Variants in MAML1 observed in about 807,000 individuals in gnomAD.
The protein encoded by MAML1 is mastermind like transcriptional coactivator 1.
Under a neutral mutation model 77.1 loss-of-function variants are expected in MAML1, and 14 were observed. The observed-to-expected ratio is 0.18, with a 90% CI of 0.12 to 0.28. MAML1 has a LOEUF of 0.28. Ranked by LOEUF, MAML1 falls within the 10% of genes least tolerant of loss-of-function variation. The pLI is 1.00. For missense variants in MAML1, 1,217 were observed against 1,327.8 expected, an observed-to-expected ratio of 0.92 and a Z score of 1.30; for synonymous variants, 516 against 551.9, an observed-to-expected ratio of 0.93 and a Z score of 0.91.
intron 1 of MAML1, among the ~76,000 whole-genome samples, chr5:179,744,215 TG>T (rs1482105346): frequency 1.3e-5 from 2 of 152,168 alleles, no homozygotes; most frequent in Non-Finnish European, 2.9e-5. Context: ...GATGGAGTCT[TG>T]CTCTGTTGCC....
rs1554150144 is a variant in MAML1, at chr5:179,752,350, A to AAAT, written c.316-12975_316-12974insATA. Among the ~76,000 whole-genome samples, 454 of 66,750 alleles carry AAAT rather than the reference A, an allele frequency of 6.8e-3. 48 individuals are homozygous for AAAT. Among genetic ancestry groups the AAAT allele is most frequent in the Non-Finnish European group, 9.3e-3 (357 of 38,462 alleles). 43.8% of individuals were successfully genotyped at this position (66,750 alleles called of 152,430 possible). A position where few individuals can be genotyped will look rare whatever the true frequency, so the allele number is the denominator to read the frequency against. On this transcript the variant is annotated intron_variant, in intron 1 of 4. Transcript: ENST00000292599. ...CAAAAAAAAAAAAAAAAAAAAAAAA[A>AAAT]ATATATATATATATATGGTTAAATA...
At chr5:179,752,962 A>G (rs976080086) in intron 1 of MAML1, among the ~76,000 whole-genome samples, 13 of 152,170 alleles carry the variant, frequency 8.5e-5, no homozygotes, top group South Asian at 2.1e-4. Context: ...TAGTAGAGAC[A>G]GGGTTTCACC....
chr5:179,736,351 C>T (rs1779171332), intron 1 of MAML1, among the ~76,000 whole-genome samples: 1 of 152,092 alleles, frequency 6.6e-6, no homozygotes, highest in South Asian at 2.1e-4. Context: ...CTCCCAGGTT[C>T]AAGCAATTCC....
chr5:179,759,926 CA>C lies in MAML1; in HGVS notation c.316-5399del, dbSNP rs1247217770. 6.6e-5 allele frequency among the ~76,000 whole-genome samples: 10 copies of C among 152,260 alleles called. No homozygotes were observed. The East Asian group carries it at 1.5e-3, about 23-fold the overall frequency. On this transcript the variant is annotated intron_variant, in intron 1 of 4. Coordinates refer to ENST00000292599, the MANE Select transcript of MAML1 (RefSeq NM_014757.5). Reference sequence around the variant, plus strand: ...AGAAATATTAAGGAGGTAGACTCTACAGGACTTGGGTACCAGTTGTATGTAG... The same window carrying C: ...AGAAATATTAAGGAGGTAGACTCTACGGACTTGGGTACCAGTTGTATGTAG...
At chr5:179,736,654 A>G (rs904301044) in intron 1 of MAML1, among the ~76,000 whole-genome samples, 11 of 152,030 alleles carry the variant, frequency 7.2e-5, no homozygotes, top group Admixed American at 5.9e-4. Context: ...GTTGCCTTGA[A>G]TCCTCCCTAG....
intron 1 of MAML1, among the ~76,000 whole-genome samples, chr5:179,740,009 A>G (rs1349125108): frequency 6.6e-6 from 1 of 152,220 alleles, no homozygotes; most frequent in Non-Finnish European, 1.5e-5. Flanking sequence ...AGTGCTAAGC[A>G]AAAATTAAAA....
intron 1 of MAML1, among the ~76,000 whole-genome samples, chr5:179,737,895 C>T (rs1242151561): frequency 2.1e-5 from 2 of 94,022 alleles, no homozygotes; most frequent in African/African-American, 2.9e-5. Flanking sequence ...CTGCTGGGCT[C>T]CAGGGGTCCT....
chr5:179,752,350 A>AAAAAAAAAAAAAAAAATAT (rs1554150144), intron 1 of MAML1, among the ~76,000 whole-genome samples: 1 of 66,722 alleles, frequency 1.5e-5, no homozygotes, highest in African/African-American at 6.8e-5. Flanking sequence ...AAAAAAAAAA[A>AAAAAAAAAAAAAAAAATAT]ATATATATAT....
intron 1 of MAML1, among the ~76,000 whole-genome samples, chr5:179,748,289 C>T (rs910019555): frequency 1.3e-5 from 2 of 152,162 alleles, no homozygotes; most frequent in Admixed American, 6.5e-5. Flanking sequence ...GCCATGTTGG[C>T]CAGGCTGGAC....
intron 1 of MAML1, among the ~76,000 whole-genome samples, chr5:179,757,239 G>A (rs552876130): frequency 4.6e-5 from 7 of 152,238 alleles, no homozygotes; most frequent in South Asian, 2.1e-4. Flanking sequence ...CCCTGAGAGC[G>A]TCTCCTTGTT....
At chr5:179,756,079 G>T (rs1298025195) in intron 1 of MAML1, among the ~76,000 whole-genome samples, 2 of 151,352 alleles carry the variant, frequency 1.3e-5, no homozygotes, top group African/African-American at 4.9e-5. Flanking sequence ...TCTTCTTTCA[G>T]TGTGGCCCAG....
At position 179,748,335 on chromosome 5, in the gene MAML1, G is replaced by T. The variant is rs182396018; in HGVS notation, c.315+14908G>T. ...GACCTCAAGTGATCCACCCACCTCA[G>T]CCTCTCAAAGTGCTGGGATTACAGC... On this transcript the variant is annotated intron_variant, in intron 1 of 4. Coordinates refer to ENST00000292599, the MANE Select transcript of MAML1 (RefSeq NM_014757.5). 9.0e-3 allele frequency among the ~76,000 whole-genome samples: 1,369 copies of T among 152,114 alleles called. 14 individuals carry two copies. Among genetic ancestry groups the T allele is most frequent in the Non-Finnish European group, 0.016 (1,079 of 68,012 alleles).
chr5:179,757,277 A>C (rs1045035269), intron 1 of MAML1, among the ~76,000 whole-genome samples: 2 of 152,026 alleles, frequency 1.3e-5, no homozygotes, highest in African/African-American at 4.8e-5. Flanking sequence ...TTAGAATTAT[A>C]GCAATGTGGG....
Position 179,766,550 on chromosome 5 carries a change from A to G in MAML1, c.1540A>G (p.Asn514Asp), listed in dbSNP as rs1451913805. Reference sequence around the variant, plus strand: ...CCAGGGGTCTGTGCTGGACTACGGCAATACAAAACCCCTTTCTCATTACAA... The same window carrying G: ...CCAGGGGTCTGTGCTGGACTACGGCGATACAAAACCCCTTTCTCATTACAA... ...NNQGSVLDYG[N>D]TKPLSHYKAD... Residue 514 changes from asparagine (N) to aspartate (D), a missense_variant, in exon 2 of 5, where the codon AAT becomes GAT. Asn to Asp is a conservative substitution (Grantham distance 23, BLOSUM62 1). Around this residue, in one of 3 missense-constraint regions of MAML1, gnomAD observed 884 missense variants for 949.3 expected, o/e 0.93. Transcript: ENST00000292599. This position sits in a 1 kb window ranked among gnomAD's most constrained non-coding sequence, Gnocchi z 4.0. 2 of 1,606,204 alleles carry G rather than the reference A, an allele frequency of 1.2e-6. No homozygotes were observed. Among genetic ancestry groups the G allele is most frequent in the East Asian group, 2.2e-5 (1 of 44,742 alleles).
intron 1 of MAML1, among the ~76,000 whole-genome samples, chr5:179,760,968 G>A (rs983067556): frequency 1.6e-4 from 24 of 152,060 alleles, no homozygotes; most frequent in African/African-American, 4.3e-4. Context: ...GGTGGCAGGC[G>A]CCTGTAGTCC....
intron 1 of MAML1, among the ~76,000 whole-genome samples, chr5:179,740,944 C>T (rs1779272937): frequency 6.6e-6 from 1 of 152,284 alleles, no homozygotes; most frequent in South Asian, 2.1e-4. Flanking sequence ...TTGATTCTTT[C>T]ATAGCTTCAT....
intron 1 of MAML1, among the ~76,000 whole-genome samples, chr5:179,751,845 T>C (rs1219505593): frequency 6.7e-6 from 1 of 149,422 alleles, no homozygotes; most frequent in Non-Finnish European, 1.5e-5. Context: ...AACCCCATCT[T>C]TACAAAAAAT....
intron 1 of MAML1, among the ~76,000 whole-genome samples, chr5:179,747,367 T>A (rs570616322): frequency 3.0e-4 from 45 of 152,198 alleles, no homozygotes; most frequent in African/African-American, 1.1e-3. Context: ...GTGGAGTTGG[T>A]AGAGGTAAGG....
Position 179,752,350 on chromosome 5 carries a change from A to AAATAT in MAML1, c.316-12975_316-12974insATATA, listed in dbSNP as rs1554150144. Among the ~76,000 whole-genome samples, 62 of 66,714 alleles carry AAATAT rather than the reference A, an allele frequency of 9.3e-4. 2 individuals carry two copies. The highest frequency in any genetic ancestry group is 3.6e-3 in the African/African-American group (54 of 14,814). The allele number at this position is 66,714 out of a possible 152,430, so 43.8% of individuals were successfully genotyped here. A position where few individuals can be genotyped will look rare whatever the true frequency, so the allele number is the denominator to read the frequency against. On this transcript the variant is annotated intron_variant, in intron 1 of 4. Transcript: ENST00000292599. ...CAAAAAAAAAAAAAAAAAAAAAAAA[A>AAATAT]ATATATATATATATATGGTTAAATA... is the stretch of plus-strand genomic sequence containing the variant.
Sources: allele counts gnomAD v4.1 joint callset (sites outside exome capture counted in the v4.1 genomes callset), GRCh38; gene constraint gnomAD v4.1.1; regional missense constraint gnomAD v4.1.1; non-coding constraint Gnocchi (gnomAD v3.1); transcripts MANE v1.5; gene names NCBI Gene and HGNC (gene_info 2026-07-23, HGNC 2026-07-21).